The following CSMD3 variants were observed in gnomAD, a reference collection of about 807,000 sequenced individuals.
The protein encoded by CSMD3 is CUB and sushi domain-containing protein 3.
In CSMD3, 177 loss-of-function variants were observed where a neutral mutation model predicts 435.2. That is an observed-to-expected ratio of 0.41 (90% CI 0.36 to 0.46). The LOEUF is 0.46. CSMD3 is among the 20% of genes least tolerant of loss of function. The pLI, the probability that CSMD3 is intolerant of heterozygous loss-of-function variation, is 0.34. For missense variants in CSMD3, 4,265 were observed against 4,504.6 expected, an observed-to-expected ratio of 0.95 and a Z score of 1.52; for synonymous variants, 1,656 against 1,520.5, an observed-to-expected ratio of 1.09 and a Z score of -2.07.
chr8:112,560,327 C>T (rs1828506424), intron 24 of CSMD3, among the ~76,000 whole-genome samples: 1 of 151,610 alleles, frequency 6.6e-6, no homozygotes, highest in South Asian at 2.1e-4. Context: ...TGTTTCTTTT[C>T]CTTGTTTTTG....
intron 13 of CSMD3, among the ~76,000 whole-genome samples, chr8:112,772,078 A>G (rs1304579807): frequency 6.6e-6 from 1 of 152,084 alleles, no homozygotes; most frequent in Non-Finnish European, 1.5e-5. Context: ...GATACAGAAA[A>G]AATGACAAAG....
intron 16 of CSMD3, among the ~76,000 whole-genome samples, chr8:112,671,616 C>G (rs544285773): frequency 6.6e-6 from 1 of 152,218 alleles, no homozygotes; most frequent in African/African-American, 2.4e-5. Flanking sequence ...CTTTGACACA[C>G]AGATGATCCT....
intron 10 of CSMD3, among the ~76,000 whole-genome samples, chr8:112,908,310 G>T (rs931137604): frequency 1.3e-5 from 2 of 151,380 alleles, no homozygotes; most frequent in African/African-American, 4.8e-5. Flanking sequence ...CCTCAGTAAA[G>T]TCTCTATATT....
chr8:113,314,049 A>C (rs2093890832), intron 2 of CSMD3: 1 of 152,250 alleles, frequency 6.6e-6, no homozygotes. Context: ...TTTCATTTAT[A>C]GAGGCAAAAA....
chr8:112,551,066 T>C (rs1190297884), intron 26 of CSMD3, among the ~76,000 whole-genome samples, 193 bp from the exon 27 acceptor site: 1 of 152,094 alleles, frequency 6.6e-6, no homozygotes, highest in Non-Finnish European at 1.5e-5. Flanking sequence ...AGAATATTAT[T>C]AAATACAATA....
intron 12 of CSMD3, among the ~76,000 whole-genome samples, chr8:112,816,462 C>G (rs2079377885): frequency 6.6e-6 from 1 of 152,088 alleles, no homozygotes; most frequent in Non-Finnish European, 1.5e-5. Flanking sequence ...CAATTAATCT[C>G]TAAAAAATAT....
intron 13 of CSMD3, among the ~76,000 whole-genome samples, chr8:112,691,488 A>G (rs2076136711): frequency 6.6e-6 from 1 of 151,862 alleles, no homozygotes; most frequent in South Asian, 2.1e-4. Context: ...TTCCTATTTA[A>G]GTGTTTCATG....
chr8:112,847,921 A>T (rs916936605), intron 11 of CSMD3, among the ~76,000 whole-genome samples: 1 of 152,140 alleles, frequency 6.6e-6, no homozygotes, highest in African/African-American at 2.4e-5. Flanking sequence ...AAATGTATTG[A>T]ATGTACAAAG....
chr8:112,416,281 C>A (rs146261545), intron 32 of CSMD3, among the ~76,000 whole-genome samples: 136 of 152,224 alleles, frequency 8.9e-4, no homozygotes, highest in African/African-American at 3.2e-3. Context: ...CTGGTATTTC[C>A]GCTTCTGGCT....
chr8:112,678,972 A>G (rs963634437), intron 16 of CSMD3, among the ~76,000 whole-genome samples: 5 of 151,896 alleles, frequency 3.3e-5, no homozygotes, highest in African/African-American at 1.2e-4. Flanking sequence ...ATCTGTAAAA[A>G]TATAGACTGT....
intron 4 of CSMD3, among the ~76,000 whole-genome samples, chr8:113,136,768 G>A (rs1045931935): frequency 6.6e-6 from 1 of 151,634 alleles, no homozygotes; most frequent in Admixed American, 6.6e-5. Context: ...ACAAGTGTAA[G>A]GAGGGATTTT....
In CSMD3 at chr8:113,184,668, G is replaced by A. The variant is rs76131382; in HGVS notation, c.515-10752C>T. ...AACTCCAGTTCATCATTAATAAATA[G>A]CTTAGTCTATCATATTGTATGAATG... On this transcript the variant is annotated intron_variant, in intron 3 of 70. Coordinates refer to ENST00000297405, the MANE Select transcript of CSMD3 (RefSeq NM_198123.2). Among the ~76,000 whole-genome samples, 1,266 of 152,152 alleles carry A rather than the reference G, an allele frequency of 8.3e-3. 17 individuals are homozygous for A. Among genetic ancestry groups the A allele is most frequent in the African/African-American group, 0.029 (1,186 of 41,536 alleles).
intron 4 of CSMD3, among the ~76,000 whole-genome samples, chr8:113,140,927 A>C (rs1319585246): frequency 6.6e-6 from 1 of 151,096 alleles, no homozygotes; most frequent in Non-Finnish European, 1.5e-5. Flanking sequence ...AAAACAGAAA[A>C]TCAATAAAAC....
intron 6 of CSMD3, among the ~76,000 whole-genome samples, chr8:112,998,705 T>G (rs1246983033): frequency 1.3e-5 from 2 of 151,450 alleles, no homozygotes; most frequent in African/African-American, 4.8e-5. Context: ...CCAAATCTCA[T>G]GTAAATTTTC....
At chr8:112,506,143 A>G (rs567409163) in intron 29 of CSMD3, among the ~76,000 whole-genome samples, 20 of 152,258 alleles carry the variant, frequency 1.3e-4, no homozygotes, top group African/African-American at 4.3e-4. Flanking sequence ...GTACCACTAC[A>G]AATCACAAAA....
chr8:112,997,296 A>C (rs1361197700), intron 6 of CSMD3, among the ~76,000 whole-genome samples: 5 of 151,690 alleles, frequency 3.3e-5, no homozygotes, highest in Admixed American at 1.3e-4. Flanking sequence ...ATATTTTATT[A>C]ACTAAAAACT....
At chr8:113,100,802 C>G (rs1026988072) in intron 4 of CSMD3, among the ~76,000 whole-genome samples, 3 of 152,120 alleles carry the variant, frequency 2.0e-5, no homozygotes, top group Non-Finnish European at 2.9e-5. Context: ...TAAAAAATCA[C>G]AATCCATCAA....
At chr8:112,293,122 G>T (rs184256433) in intron 54 of CSMD3, among the ~76,000 whole-genome samples, 1 of 151,926 alleles carries the variant, frequency 6.6e-6, no homozygotes, top group Non-Finnish European at 1.5e-5. Flanking sequence ...CAGGTGTGGT[G>T]ACTCATGCCT....
At chr8:112,826,174 T>C (rs1161613587) in intron 12 of CSMD3, among the ~76,000 whole-genome samples, 1 of 152,184 alleles carries the variant, frequency 6.6e-6, no homozygotes, top group Non-Finnish European at 1.5e-5. Context: ...ACCAAGCCAT[T>C]CAGCCTCTCT....
Sources: gnomAD v4.1 joint callset for allele counts (sites outside exome capture counted in the v4.1 genomes callset) on GRCh38, gnomAD v4.1.1 for gene constraint, MANE v1.5 for transcripts, NCBI Gene and HGNC (gene_info 2026-07-23, HGNC 2026-07-21) for gene names.